The following IGF2 variants were observed in gnomAD, a reference collection of about 807,000 sequenced individuals.
IGF2 encodes the protein insulin like growth factor 2.
Under a neutral mutation model 12.0 loss-of-function variants are expected in IGF2, and 2 were observed. The ratio of observed to expected loss-of-function variants is 0.17; its 90% CI spans 0.07 to 0.52. The LOEUF (loss-of-function observed/expected upper bound fraction) is 0.52. Ranked by LOEUF, IGF2 falls within the 20% of genes least tolerant of loss-of-function variation. The pLI is 0.95. For synonymous variants in IGF2, 105 were observed against 110.1 expected (o/e 0.95, Z 0.29); for missense variants, 211 against 268.0 (o/e 0.79, Z 1.48).
rs1349382921 is a variant in IGF2 at position 2,130,212 on chromosome 11, C to T, written c.*2775G>A. On this transcript the variant is annotated 3_prime_UTR_variant, in exon 4 of 4. Coordinates refer to ENST00000416167, the MANE Select transcript of IGF2 (RefSeq NM_000612.6). ...GCCTCAGGCCAGCCAGGAGCCCCCT[C>T]CTGTGGCCTCCGAGCACCCTCCTGA... 4.3e-6 allele frequency: 1 copy of T among 231,452 alleles called. No homozygotes were observed. The highest frequency in any genetic ancestry group is 2.2e-5 in the African/African-American group (1 of 45,152). 14.3% of individuals were successfully genotyped at this position (231,452 alleles called of 1,614,324 possible). A position where few individuals can be genotyped will look rare whatever the true frequency, so the allele number is the denominator to read the frequency against.
chr11:2,135,236 A>C lies in IGF2; in HGVS notation c.157+131T>G. 3.8e-6 allele frequency: 3 copies of C among 780,614 alleles called. No homozygotes were observed. In the South Asian group the frequency reaches 6.5e-5, roughly 17 times the overall value. 48.4% of individuals were successfully genotyped at this position (780,614 alleles called of 1,614,324 possible). A position where few individuals can be genotyped will look rare whatever the true frequency, so the allele number is the denominator to read the frequency against. Reference sequence around the variant, plus strand: ...GCACGTGCTCAGAAACGCGGCGGGAAGGTCAAAGTCTCAGAGCAAGCGGCT... The same window carrying C: ...GCACGTGCTCAGAAACGCGGCGGGACGGTCAAAGTCTCAGAGCAAGCGGCT... On this transcript the variant is annotated intron_variant, in intron 2 of 3. Transcript: ENST00000416167.
chr11:2,144,280 G>A (rs1306232344), upstream of IGF2, among the ~76,000 whole-genome samples: 2 of 152,042 alleles, frequency 1.3e-5, no homozygotes. Context: ...GCTCCCCCTC[G>A]CCACTGCGCC....
At chr11:2,140,212 C>T, upstream of IGF2, 1 of 1,613,286 alleles carries the variant, frequency 6.2e-7, no homozygotes, top group South Asian at 1.1e-5. Flanking sequence ...ATAATGGTTA[C>T]CCCGTCCTCA....
upstream of IGF2, chr11:2,140,386 C>G (rs1190072415): frequency 1.4e-5 from 18 of 1,300,732 alleles, no homozygotes; most frequent in Admixed American, 2.1e-5. Context: ...GCCAGCCCCC[C>G]GCCGCCTAAG....
Position 2,132,353 on chromosome 11 carries a change from T to C in IGF2, c.*634A>G, listed in dbSNP as rs546968081. The C allele has an allele frequency of 2.5e-4, 47 of 190,384 alleles. No individual in the cohort carries two copies. In the South Asian group the frequency reaches 3.5e-3, roughly 14 times the overall value. 11.8% of individuals were successfully genotyped at this position (190,384 alleles called of 1,614,324 possible). ...GGCCAGTTTACCCTGAAAATTCCCG[T>C]GAGAAGGGAGATGGCGGTAGCAGCG... On this transcript the variant is annotated 3_prime_UTR_variant, in exon 4 of 4. Coordinates refer to ENST00000416167, the MANE Select transcript of IGF2 (RefSeq NM_000612.6).
At chr11:2,137,315 ATG>A in intron 1 of IGF2, 1 of 960,774 alleles carries the variant, frequency 1.0e-6, no homozygotes, top group African/African-American at 1.8e-5. Flanking sequence ...CTCAGCTTTT[ATG>A]TGTGAGCCGA....
At chr11:2,145,766 A>G (rs1317981867), upstream of IGF2, among the ~76,000 whole-genome samples, 1 of 151,986 alleles carries the variant, frequency 6.6e-6, no homozygotes, top group Non-Finnish European at 1.5e-5. Context: ...CTGCCTGCTG[A>G]GTGCTCTCCT....
Position 2,131,719 on chromosome 11 carries a change from G to A in IGF2, c.*1268C>T, listed in dbSNP as rs1858582523. The stretch of plus-strand genomic sequence containing the variant: ...TGTGTGTGCTGTGTGTGCTGTGTTC[G>A]TGTGTGCTGTGTTCGCGTGTGTGTG... On this transcript the variant is annotated 3_prime_UTR_variant, in exon 4 of 4. Coordinates refer to ENST00000416167, the MANE Select transcript of IGF2 (RefSeq NM_000612.6). The A allele has an allele frequency of 9.3e-5, 18 of 192,782 alleles. No homozygotes were observed. The East Asian group carries it at 1.1e-3, about 12-fold the overall frequency. 11.9% of individuals were successfully genotyped at this position (192,782 alleles called of 1,614,324 possible).
chr11:2,145,005 G>A (rs1859831096), upstream of IGF2, among the ~76,000 whole-genome samples: 1 of 152,112 alleles, frequency 6.6e-6, no homozygotes, highest in Admixed American at 6.5e-5. Flanking sequence ...GCAAGACAGG[G>A]AGAACCCGCC....
In IGF2 at chr11:2,131,655, G is replaced by A. The variant is rs1858572422; in HGVS notation, c.*1332C>T. On this transcript the variant is annotated 3_prime_UTR_variant, in exon 4 of 4. Transcript: ENST00000416167. Reference sequence around the variant, plus strand: ...TGTGTGCTGTGTTCATGTGTGTGCTGTGTGTGCGTGTGCTGTGTGCATGTG... The same window carrying A: ...TGTGTGCTGTGTTCATGTGTGTGCTATGTGTGCGTGTGCTGTGTGCATGTG... 1 of 213,088 alleles carries A rather than the reference G, an allele frequency of 4.7e-6. No individual in the cohort carries two copies. Among genetic ancestry groups the A allele is most frequent in the African/African-American group, 2.4e-5 (1 of 41,108 alleles). 13.2% of individuals were successfully genotyped at this position (213,088 alleles called of 1,614,324 possible). A position where few individuals can be genotyped will look rare whatever the true frequency, so the allele number is the denominator to read the frequency against.
At chr11:2,138,095 C>G (rs979753934) in intron 1 of IGF2, 134 bp downstream of exon 1, 1 of 375,770 alleles carries the variant, frequency 2.7e-6, no homozygotes, top group Non-Finnish European at 3.7e-6. Context: ...TCCTCCTCCT[C>G]CCCCCCGGGC....
the IGF2 span, chr11:2,146,702 A>G: frequency 3.6e-6 from 1 of 280,626 alleles, no homozygotes; most frequent in Non-Finnish European, 7.1e-6. Flanking sequence ...TGGGATGGGC[A>G]AATCAGCCTG....
At position 2,130,190 on chromosome 11, in the gene IGF2, T is replaced by G. The variant is rs1260784024; in HGVS notation, c.*2797A>C. On this transcript the variant is annotated 3_prime_UTR_variant, in exon 4 of 4. Coordinates refer to ENST00000416167, the MANE Select transcript of IGF2 (RefSeq NM_000612.6). ...CTAGCCCCTTCCCCTCCGGCCAGCC[T>G]CAGGCCAGCCAGGAGCCCCCTCCTG... 4.3e-6 allele frequency: 1 copy of G among 230,666 alleles called. No homozygotes were observed. Among genetic ancestry groups the G allele is most frequent in the Non-Finnish European group, 8.6e-6 (1 of 116,684 alleles). 14.3% of individuals were successfully genotyped at this position (230,666 alleles called of 1,614,324 possible). A position where few individuals can be genotyped will look rare whatever the true frequency, so the allele number is the denominator to read the frequency against.
At chr11:2,145,873 C>T (rs1859894218), upstream of IGF2, among the ~76,000 whole-genome samples, 1 of 152,122 alleles carries the variant, frequency 6.6e-6, no homozygotes, top group Non-Finnish European at 1.5e-5. Context: ...TAGTCAAGAC[C>T]AGCATCGGGG....
At chr11:2,137,340 C>G (rs1378288460) in intron 1 of IGF2, 2 of 806,752 alleles carry the variant, frequency 2.5e-6, no homozygotes, top group African/African-American at 3.7e-5. Context: ...CCTCCCAGCC[C>G]GGGCTCCACC....
chr11:2,144,612 A>AGTCT (rs1033154787), upstream of IGF2, among the ~76,000 whole-genome samples: 2 of 152,188 alleles, frequency 1.3e-5, no homozygotes, highest in African/African-American at 4.8e-5. Context: ...TTTCAGGGAA[A>AGTCT]GTCTGTCCAC....
At chr11:2,136,780 C>A (rs556891794) in intron 1 of IGF2, among the ~76,000 whole-genome samples, 8 of 152,344 alleles carry the variant, frequency 5.3e-5, no homozygotes, top group Admixed American at 2.0e-4. Flanking sequence ...CCCTCTGCCA[C>A]CCCCTTCCAA....
At position 2,131,792 on chromosome 11, in the gene IGF2, A is replaced by T. The variant is rs1267552171; in HGVS notation, c.*1195T>A. The T allele has an allele frequency of 1.9e-5, 3 of 161,848 alleles. No homozygotes were observed. Among genetic ancestry groups the T allele is most frequent in the African/African-American group, 3.2e-5 (1 of 31,016 alleles). The allele number at this position is 161,848 out of a possible 1,614,324, so 10.0% of individuals were successfully genotyped here. A position where few individuals can be genotyped will look rare whatever the true frequency, so the allele number is the denominator to read the frequency against. The stretch of plus-strand genomic sequence containing the variant: ...TGTCTTTGTGTGTGTGCTGTGTGCT[A>T]GTGTGTGTGCTGTGTGTGCATGTGT... On this transcript the variant is annotated 3_prime_UTR_variant, in exon 4 of 4. Coordinates refer to ENST00000416167, the MANE Select transcript of IGF2 (RefSeq NM_000612.6).
At position 2,133,087 on chromosome 11, in the gene IGF2, G is replaced by A. The variant is rs368814253; in HGVS notation, c.443C>T (p.Ala148Val). Residue 148 changes from alanine (A) to valine (V), a missense_variant, in exon 4 of 4, where the codon GCG becomes GTG. Physicochemically the swap from Ala to Val is moderately conservative, Grantham distance 64. Transcript: ENST00000416167. The surrounding 1 kb of genome is among the most constrained non-coding windows in gnomAD (Gnocchi z 8.9). ...RGHVLAKELE[A>V]FREAKRHRPL... ...ACGGTGACGTTTGGCCTCCCTGAAC[G>A]CCTCGAGCTCCTTGGCGAGCACGTG... The A allele has an allele frequency of 3.1e-5, 50 of 1,607,740 alleles. No homozygotes were observed. Among genetic ancestry groups the A allele is most frequent in the Non-Finnish European group, 4.0e-5 (47 of 1,176,906 alleles).
Sources: gnomAD v4.1 joint callset for allele counts (sites outside exome capture counted in the v4.1 genomes callset) on GRCh38, gnomAD v4.1.1 for gene constraint, Gnocchi (gnomAD v3.1) non-coding constraint, MANE v1.5 for transcripts, NCBI Gene and HGNC (gene_info 2026-07-23, HGNC 2026-07-21) for gene names.